The following TEX11 variants were observed in gnomAD, a reference collection of about 807,000 sequenced individuals.
TEX11 encodes testis-expressed protein 11.
In TEX11, 7 loss-of-function variants were observed where a neutral mutation model predicts 84.4. That is an observed-to-expected ratio of 0.08 (90% CI 0.05 to 0.16). TEX11 has a LOEUF of 0.16. Ranked by LOEUF, TEX11 falls within the 10% of genes least tolerant of loss-of-function variation. The probability of loss-of-function intolerance (pLI) is 1.00; values close to 1 mark genes in which losing one functional copy is unlikely to be tolerated. For missense variants in TEX11, 551 were observed against 660.5 expected (o/e 0.83, Z 1.82); for synonymous variants, 264 against 222.8 (o/e 1.18, Z -1.64).
intron 8 of TEX11, among the ~76,000 whole-genome samples, chrX:70,827,283 A>C (rs2091352125): frequency 8.9e-6 from 1 of 111,886 alleles, no homozygotes; most frequent in African/African-American, 3.2e-5. Context: ...CAGGGAGTAC[A>C]CCATGGGCCT....
intron 20 of TEX11, among the ~76,000 whole-genome samples, chrX:70,612,212 T>C (rs2089269481): frequency 9.0e-6 from 1 of 111,063 alleles, no homozygotes; most frequent in South Asian, 3.9e-4. Context: ...GCCTATTTAT[T>C]AGGAAACTAA....
chrX:70,539,038 A>ATATATATTTTT, intron 28 of TEX11, among the ~76,000 whole-genome samples: 584 of 41,216 alleles, frequency 0.014, 21 homozygotes, highest in African/African-American at 0.048. Context: ...ATATATATAT[A>ATATATATTTTT]TTTTTTTTTT....
intron 2 of TEX11, among the ~76,000 whole-genome samples, chrX:70,886,750 A>G (rs1339490782): frequency 8.9e-6 from 1 of 111,900 alleles, no homozygotes; most frequent in Non-Finnish European, 1.9e-5. Flanking sequence ...CTTTGAATAG[A>G]ACAGGCTCAG....
intron 17 of TEX11, among the ~76,000 whole-genome samples, chrX:70,651,099 GA>G (rs1404288079): frequency 9.0e-6 from 1 of 111,727 alleles, no homozygotes; most frequent in Non-Finnish European, 1.9e-5. Flanking sequence ...ATTCTTAACT[GA>G]TATGGGTTTT....
chrX:70,897,212 A>T (rs1166445148), intron 2 of TEX11, among the ~76,000 whole-genome samples: 195 of 52,719 alleles, frequency 3.7e-3, no homozygotes, highest in African/African-American at 8.8e-3. Flanking sequence ...TTATATATAT[A>T]TAACATATAT....
intron 9 of TEX11, among the ~76,000 whole-genome samples, chrX:70,755,590 G>T (rs747940443): frequency 8.9e-6 from 1 of 112,211 alleles, no homozygotes; most frequent in Non-Finnish European, 1.9e-5. Context: ...CAGAGAAAGA[G>T]ATAAGATTAG....
At chrX:70,604,050 T>C (rs1314706270) in intron 24 of TEX11, among the ~76,000 whole-genome samples, 1 of 111,426 alleles carries the variant, frequency 9.0e-6, no homozygotes, top group African/African-American at 3.3e-5. Context: ...TTTAGAGAGT[T>C]CTGAGAAAAC....
intron 2 of TEX11, among the ~76,000 whole-genome samples, chrX:70,895,443 C>T (rs1332838358): frequency 1.8e-5 from 2 of 111,830 alleles, no homozygotes; most frequent in Admixed American, 9.6e-5. Context: ...AATGGGCATA[C>T]TGACCTAAGT....
At chrX:70,738,937 C>T (rs1463195375) in intron 11 of TEX11, among the ~76,000 whole-genome samples, 1 of 109,821 alleles carries the variant, frequency 9.1e-6, no homozygotes, top group Non-Finnish European at 1.9e-5. Flanking sequence ...CATCCACACA[C>T]TAGGGCCTGT....
At chrX:70,882,750 C>T (rs2091689927) in intron 2 of TEX11, among the ~76,000 whole-genome samples, 1 of 108,810 alleles carries the variant, frequency 9.2e-6, no homozygotes, top group Non-Finnish European at 1.9e-5. Flanking sequence ...CACGGCACTC[C>T]AGCTGGGTGA....
intron 7 of TEX11, among the ~76,000 whole-genome samples, chrX:70,840,190 A>T (rs1156365038): frequency 9.0e-6 from 1 of 111,668 alleles, no homozygotes. Flanking sequence ...GATTCACCAA[A>T]GTTGAAATGA....
At position 70,537,597 on chromosome X, in the gene TEX11, GA is replaced by G. The variant is rs66588600; in HGVS notation, c.2521-7599del. Among the ~76,000 whole-genome samples the G allele has an allele frequency of 3.1e-3, 346 of 110,029 alleles. 1 individual carries two copies. Among genetic ancestry groups the G allele is most frequent in the African/African-American group, 9.6e-3 (291 of 30,379 alleles). ...AAAGAAAGGAAAAGAAAGAGAAAAA[GA>G]AAAAAAAGGTAGTTAGACTGGACTA... On this transcript the variant is annotated intron_variant, in intron 28 of 29. Coordinates refer to ENST00000374333, the MANE Select transcript of TEX11 (RefSeq NM_031276.3).
the TEX11 span, among the ~76,000 whole-genome samples, chrX:70,514,973 C>T: frequency 9.1e-6 from 1 of 109,489 alleles, no homozygotes; most frequent in Non-Finnish European, 1.9e-5. Flanking sequence ...GAGGCTGAGG[C>T]AGGAGAATCA....
At chrX:70,599,493 G>A (rs2089060036) in intron 24 of TEX11, among the ~76,000 whole-genome samples, 1 of 102,684 alleles carries the variant, frequency 9.7e-6, no homozygotes, top group Non-Finnish European at 2.0e-5. Flanking sequence ...GGGAGCAGAT[G>A]TATACAACAG....
intron 5 of TEX11, among the ~76,000 whole-genome samples, chrX:70,859,143 G>C (rs1382304318): frequency 9.0e-6 from 1 of 111,192 alleles, no homozygotes; most frequent in Non-Finnish European, 1.9e-5. Flanking sequence ...TACTCTAACT[G>C]AGTGATGGGT....
intron 15 of TEX11, among the ~76,000 whole-genome samples, chrX:70,674,757 T>C (rs191766632): frequency 8.9e-6 from 1 of 111,831 alleles, no homozygotes; most frequent in East Asian, 2.8e-4. Flanking sequence ...AGTTTGACAA[T>C]CTCTGCCTTT....
At chrX:70,513,083 A>G in the TEX11 span, among the ~76,000 whole-genome samples, 26,906 of 108,090 alleles carry the variant, frequency 0.25, 5,662 homozygotes, top group African/African-American at 0.64. Context: ...GCTGGGCATG[A>G]TGGCTCACGC....
Position 70,589,926 on chromosome X carries a change from T to C in TEX11, c.2140+1825A>G, listed in dbSNP as rs190971284. ...TTACCATTAGAGCCTAGGTATACTG[T>C]AGTTTGGGTTTTTAAAAAATGTCCA... On this transcript the variant is annotated intron_variant, in intron 25 of 29. Transcript: ENST00000374333. 1.2e-4 allele frequency among the ~76,000 whole-genome samples: 13 copies of C among 112,443 alleles called. No homozygotes were observed. In the Admixed American group the frequency reaches 1.2e-3, roughly 11 times the overall value.
chrX:70,651,555 G>A lies in TEX11; in HGVS notation c.1381-3C>T. 1 of 1,185,253 alleles carries A rather than the reference G, an allele frequency of 8.4e-7. No homozygotes were observed. Among genetic ancestry groups the A allele is most frequent in the East Asian group, 3.0e-5 (1 of 33,487 alleles). ...GCTTCTGCCACTGCCTCTTTGGCCT[G>A]GAAAGAAAAACACTGGGTCATTTTA... On this transcript the variant is annotated splice_region_variant and splice_polypyrimidine_tract_variant and intron_variant, in intron 16 of 29. Coordinates refer to ENST00000374333, the MANE Select transcript of TEX11 (RefSeq NM_031276.3).
Sources: allele counts gnomAD v4.1 joint callset (sites outside exome capture counted in the v4.1 genomes callset), GRCh38; gene constraint gnomAD v4.1.1; transcripts MANE v1.5; gene names NCBI Gene and HGNC (gene_info 2026-07-23, HGNC 2026-07-21).